Variants in CDK6 observed in about 807,000 individuals in gnomAD.
CDK6 encodes cyclin-dependent kinase 6.
Under a neutral mutation model 37.1 loss-of-function variants are expected in CDK6, and 6 were observed. That is an observed-to-expected ratio of 0.16 (90% confidence interval 0.09 to 0.32). CDK6 has a LOEUF of 0.32. Among genes scored for constraint, CDK6 ranks in the 10% least tolerant of loss-of-function variants. The pLI is 1.00. For missense variants in CDK6, 224 were observed against 418.9 expected (o/e 0.53, Z 4.06); for synonymous variants, 160 against 161.3 (o/e 0.99, Z 0.06).
intron 3 of CDK6, among the ~76,000 whole-genome samples, chr7:92,727,907 A>AACTTACAAG (rs1259626114): frequency 6.6e-6 from 1 of 152,216 alleles, no homozygotes; most frequent in African/African-American, 2.4e-5. Flanking sequence ...TTGGAAACAC[A>AACTTACAAG]TGCACACAAC....
intron 3 of CDK6, among the ~76,000 whole-genome samples, chr7:92,748,849 T>G (rs992118963): frequency 7.2e-5 from 11 of 152,124 alleles, no homozygotes; most frequent in Admixed American, 3.9e-4. Context: ...CCTATAGAAT[T>G]AATGAATGTG....
intron 2 of CDK6, among the ~76,000 whole-genome samples, chr7:92,801,771 G>A (rs968466265): frequency 3.9e-5 from 6 of 152,084 alleles, no homozygotes; most frequent in Admixed American, 2.6e-4. Context: ...ACAGGCGTGC[G>A]CCATCATGCC....
At chr7:92,674,420 A>C (rs1048370663) in intron 4 of CDK6, among the ~76,000 whole-genome samples, 22 of 152,186 alleles carry the variant, frequency 1.4e-4, no homozygotes, top group African/African-American at 4.3e-4. Flanking sequence ...CAGTACTGTA[A>C]ACACAACAAT....
rs2282980 is a variant in CDK6 at position 92,646,899 on chromosome 7, T to C, written c.648-23813A>G. On this transcript the variant is annotated intron_variant, in intron 5 of 7. Coordinates refer to ENST00000424848, the MANE Select transcript of CDK6 (RefSeq NM_001145306.2). Reference sequence around the variant, plus strand: ...TACTGTTTTGATTAGTAAAATGACATAAAACCTCTGAATTTAAAATTAAGT... The same window carrying C: ...TACTGTTTTGATTAGTAAAATGACACAAAACCTCTGAATTTAAAATTAAGT... Among the ~76,000 whole-genome samples the C allele has an allele frequency of 7.2e-5, 11 of 152,290 alleles. No homozygotes were observed. The East Asian group carries it at 1.7e-3, about 24-fold the overall frequency.
intron 2 of CDK6, among the ~76,000 whole-genome samples, chr7:92,804,941 T>C (rs1430802242): frequency 6.6e-6 from 1 of 152,196 alleles, no homozygotes; most frequent in East Asian, 1.9e-4. Flanking sequence ...TAATGTGATC[T>C]TGGGGGACAA....
chr7:92,634,814 C>T (rs1269816452), intron 5 of CDK6, among the ~76,000 whole-genome samples: 1 of 152,176 alleles, frequency 6.6e-6, no homozygotes, highest in East Asian at 1.9e-4. Context: ...CTGCTGCTAA[C>T]TCTGGAGAAA....
intron 2 of CDK6, among the ~76,000 whole-genome samples, chr7:92,776,387 T>C (rs1799852790): frequency 6.6e-6 from 1 of 152,234 alleles, no homozygotes; most frequent in Non-Finnish European, 1.5e-5. Context: ...CATGTGTCTT[T>C]ACAGTAGAAT....
chr7:92,725,572 T>C, intron 4 of CDK6, 54 bp downstream of exon 4: 1 of 1,528,918 alleles, frequency 6.5e-7, no homozygotes, highest in Non-Finnish European at 8.9e-7. Flanking sequence ...GGACAGACTG[T>C]CATTCAAAAT....
intron 4 of CDK6, among the ~76,000 whole-genome samples, chr7:92,712,706 C>A (rs138011193): frequency 6.6e-6 from 1 of 152,184 alleles, no homozygotes; most frequent in Non-Finnish European, 1.5e-5. Flanking sequence ...TTTAAATGGA[C>A]TATTCAATCT....
chr7:92,624,049 C>A (rs1168596201), intron 5 of CDK6, among the ~76,000 whole-genome samples: 3 of 151,926 alleles, frequency 2.0e-5, no homozygotes, highest in African/African-American at 7.3e-5. Context: ...ATTTTCTGTG[C>A]ACAATAAATG....
chr7:92,617,692 T>G (rs1795711498), intron 7 of CDK6, among the ~76,000 whole-genome samples: 1 of 152,208 alleles, frequency 6.6e-6, no homozygotes, highest in African/African-American at 2.4e-5. Context: ...TGTGAATGTT[T>G]AAGAAAAGGC....
chr7:92,680,435 GAAAAAAAAAAA>G (rs778849907), intron 4 of CDK6, among the ~76,000 whole-genome samples: 1 of 27,932 alleles, frequency 3.6e-5, no homozygotes. Context: ...TTCCATCTCA[GAAAAAAAAAAA>G]AAAAAAAAAA....
chr7:92,699,339 T>C (rs1243651752), intron 4 of CDK6, among the ~76,000 whole-genome samples: 3 of 152,252 alleles, frequency 2.0e-5, no homozygotes, highest in African/African-American at 7.2e-5. Context: ...TGTTAGCTAT[T>C]AGCACATGAT....
chr7:92,760,198 T>C (rs1799420278), intron 3 of CDK6, among the ~76,000 whole-genome samples: 1 of 152,150 alleles, frequency 6.6e-6, no homozygotes, highest in Non-Finnish European at 1.5e-5. Flanking sequence ...AAGTGAAATT[T>C]CTCCATAGCC....
intron 2 of CDK6, among the ~76,000 whole-genome samples, chr7:92,828,636 A>G (rs1013951475): frequency 5.3e-5 from 8 of 152,200 alleles, no homozygotes; most frequent in Non-Finnish European, 7.4e-5. Flanking sequence ...ATAGATATTC[A>G]TTTACCCATG....
rs975807120 is a variant in CDK6 at position 92,604,995 on chromosome 7, A to C, written c.*10145T>G. ...CATTTTACATTAAAGTAAAAAAGAA[A>C]ATAGCCAGGAGAGTAATTCATCTCC... On this transcript the variant is annotated 3_prime_UTR_variant, in exon 8 of 8. Coordinates refer to ENST00000424848, the MANE Select transcript of CDK6 (RefSeq NM_001145306.2). 11 of 228,044 alleles carry C rather than the reference A, an allele frequency of 4.8e-5. No individual in the cohort carries two copies. The highest frequency in any genetic ancestry group is 2.4e-4 in the African/African-American group (11 of 45,068). 14.1% of individuals were successfully genotyped at this position (228,044 alleles called of 1,614,324 possible).
chr7:92,786,728 A>G (rs1289665146), intron 2 of CDK6, among the ~76,000 whole-genome samples: 2 of 149,430 alleles, frequency 1.3e-5, no homozygotes, highest in African/African-American at 4.9e-5. Context: ...ATGATATATA[A>G]TGTATATGTA....
intron 4 of CDK6, among the ~76,000 whole-genome samples, chr7:92,672,188 CAT>C (rs562249853): frequency 0.015 from 1,459 of 96,688 alleles, 87 homozygotes; most frequent in South Asian, 0.044. Flanking sequence ...CACACAGACA[CAT>C]ACACACACAC....
At chr7:92,827,257 A>G (rs1466755542) in intron 2 of CDK6, among the ~76,000 whole-genome samples, 1 of 152,204 alleles carries the variant, frequency 6.6e-6, no homozygotes, top group Non-Finnish European at 1.5e-5. Context: ...TTCTAATTCT[A>G]CTGAACTAAA....
Sources: allele counts gnomAD v4.1 joint callset (sites outside exome capture counted in the v4.1 genomes callset), GRCh38; gene constraint gnomAD v4.1.1; transcripts MANE v1.5; gene names NCBI Gene and HGNC (gene_info 2026-07-23, HGNC 2026-07-21).